TMPRSS13: variants seen among roughly 807,000 people sequenced by gnomAD.
The protein encoded by TMPRSS13 is transmembrane serine protease 13, also known as transmembrane protease serine 13.
TMPRSS13 carries 50 observed loss-of-function variants against 68.4 expected under a neutral mutation model. That is an observed-to-expected ratio of 0.73 (90% CI 0.58 to 0.93). TMPRSS13 has a LOEUF of 0.93. Ranked by LOEUF, TMPRSS13 falls within the 40% of genes least tolerant of loss-of-function variation. The pLI, the probability that TMPRSS13 is intolerant of heterozygous loss-of-function variation, is 0.00. For missense variants in TMPRSS13, 615 were observed against 729.2 expected, an observed-to-expected ratio of 0.84 and a Z score of 1.80; for synonymous variants, 267 against 285.8, an observed-to-expected ratio of 0.93 and a Z score of 0.66.
intron 7 of TMPRSS13, 51 bp from the exon 8 acceptor site, chr11:117,910,019 T>G: frequency 6.3e-7 from 1 of 1,593,150 alleles, no homozygotes; most frequent in South Asian, 1.1e-5. Flanking sequence ...CCAGGGTTCT[T>G]TCCGAGCTCC....
chr11:117,909,965 C>A lies in TMPRSS13; in HGVS notation c.950G>T (p.Cys317Phe). The stretch of plus-strand genomic sequence containing the variant: ...CCGCCCGGTCATGGCCCTCAGTCCG[C>A]AGTCTGGAGGGAAGGAGTAGACGTA... The part of the protein sequence containing the change: ...QRYISLQCSH[C>F]GLRAMTGRIV... Residue 317 changes from cysteine to phenylalanine, a missense_variant, in exon 8 of 13, where the codon TGC (cysteine) becomes TTC (phenylalanine). Transcript: ENST00000524993. The A allele has an allele frequency of 6.2e-7, 1 of 1,613,864 alleles. No homozygotes were observed. The highest frequency in any genetic ancestry group is 1.1e-5 in the South Asian group (1 of 91,070).
intron 12 of TMPRSS13, chr11:117,903,394 T>A (rs2057427614): frequency 3.9e-6 from 6 of 1,535,126 alleles, no homozygotes; most frequent in African/African-American, 2.7e-5. Flanking sequence ...TGGGAGAACA[T>A]CTGCCCAGCA....
intron 1 of TMPRSS13, among the ~76,000 whole-genome samples, chr11:117,926,813 A>T (rs2057712235): frequency 6.6e-6 from 1 of 152,138 alleles, no homozygotes; most frequent in Non-Finnish European, 1.5e-5. Context: ...AATTTATAGG[A>T]GCCCACCCCA....
rs2057414317 is a variant in TMPRSS13 at position 117,902,075 on chromosome 11, CA to C, written c.*163del. On this transcript the variant is annotated 3_prime_UTR_variant, in exon 13 of 13. Coordinates refer to ENST00000524993, the MANE Select transcript of TMPRSS13 (RefSeq NM_001077263.3). ...GAGAGTGGCAATGCACACATATGCA[CA>C]CACACACACACACACACACACACAC... The C allele has an allele frequency of 1.1e-4, 27 of 245,828 alleles. No homozygotes were observed. Among genetic ancestry groups the C allele is most frequent in the Non-Finnish European group, 1.9e-4 (26 of 133,434 alleles). 15.2% of individuals were successfully genotyped at this position (245,828 alleles called of 1,614,324 possible).
At chr11:117,912,628 T>C (rs1259615865) in intron 5 of TMPRSS13, among the ~76,000 whole-genome samples, 1 of 152,218 alleles carries the variant, frequency 6.6e-6, no homozygotes, top group Admixed American at 6.5e-5. Context: ...GCTGCTCCTC[T>C]ACTCAGAGGG....
At position 117,917,308 on chromosome 11, in the gene TMPRSS13, C is replaced by T. The variant is rs751323684; in HGVS notation, c.452-34G>A. 7.0e-6 allele frequency: 11 copies of T among 1,564,782 alleles called. 1 individual carries two copies. The Middle Eastern group carries it at 1.0e-3, about 142-fold the overall frequency. On this transcript the variant is annotated intron_variant, in intron 2 of 12. Coordinates refer to ENST00000524993, the MANE Select transcript of TMPRSS13 (RefSeq NM_001077263.3). ...AGGGCGGCAGCAGGGGAATATGAGG[C>T]TGGAGAGGAGTCCGACGAGATGGAG...
chr11:117,907,165 C>G (rs2057471231), intron 9 of TMPRSS13, among the ~76,000 whole-genome samples: 1 of 152,126 alleles, frequency 6.6e-6, no homozygotes, highest in South Asian at 2.1e-4. Flanking sequence ...CCAAATACAG[C>G]CTGGGTTTGA....
intron 10 of TMPRSS13, among the ~76,000 whole-genome samples, chr11:117,904,470 G>A (rs904887096): frequency 6.6e-6 from 1 of 152,172 alleles, no homozygotes; most frequent in African/African-American, 2.4e-5. Context: ...AAGAGAGCAG[G>A]TGGCATTAAT....
chr11:117,912,136 A>C (rs898867140), intron 5 of TMPRSS13, among the ~76,000 whole-genome samples: 2 of 152,108 alleles, frequency 1.3e-5, no homozygotes, highest in African/African-American at 4.8e-5. Context: ...TAGCATTAGC[A>C]TTGCCTGGGA....
At chr11:117,923,934 C>T (rs988643535) in intron 1 of TMPRSS13, among the ~76,000 whole-genome samples, 10 of 151,756 alleles carry the variant, frequency 6.6e-5, no homozygotes, top group Non-Finnish European at 1.5e-4. Context: ...GCATCAGGGC[C>T]CGTTTCAGTC....
rs534094066 is a variant in TMPRSS13 at position 117,901,705 on chromosome 11, G to A, written c.*534C>T. On this transcript the variant is annotated 3_prime_UTR_variant, in exon 13 of 13. Coordinates refer to ENST00000524993, the MANE Select transcript of TMPRSS13 (RefSeq NM_001077263.3). Reference sequence around the variant, plus strand: ...TGGTGACATCCACGGCACCAGCAGGGGGTCTGGGTGAGGACTTGATGCTCA... The same window carrying A: ...TGGTGACATCCACGGCACCAGCAGGAGGTCTGGGTGAGGACTTGATGCTCA... 1 of 159,622 alleles carries A rather than the reference G, an allele frequency of 6.3e-6. No individual in the cohort carries two copies. Among genetic ancestry groups the A allele is most frequent in the African/African-American group, 2.4e-5 (1 of 41,818 alleles). The allele number at this position is 159,622 out of a possible 1,614,324, so 9.9% of individuals were successfully genotyped here. A position where few individuals can be genotyped will look rare whatever the true frequency, so the allele number is the denominator to read the frequency against.
intron 1 of TMPRSS13, among the ~76,000 whole-genome samples, chr11:117,919,092 G>A (rs968256092): frequency 2.0e-4 from 31 of 152,174 alleles, no homozygotes; most frequent in African/African-American, 7.0e-4. Context: ...GAGGGCAATG[G>A]GCCAAGTGCC....
At chr11:117,924,671 C>G (rs2134928626) in intron 1 of TMPRSS13, among the ~76,000 whole-genome samples, 1 of 152,286 alleles carries the variant, frequency 6.6e-6, no homozygotes, top group East Asian at 1.9e-4. Flanking sequence ...GAACCCTTCC[C>G]AGCGAGGGCC....
chr11:117,905,850 T>A, intron 9 of TMPRSS13, 114 bp from the exon 10 acceptor site: 1 of 700,592 alleles, frequency 1.4e-6, no homozygotes, highest in Non-Finnish European at 2.4e-6. Flanking sequence ...AGAACATTAA[T>A]CCTTGACTCT....
chr11:117,914,470 T>G lies in TMPRSS13; in HGVS notation c.601A>C (p.Arg201=), dbSNP rs770895998. 10 of 1,614,008 alleles carry G rather than the reference T, an allele frequency of 6.2e-6. No individual in the cohort carries two copies. The highest frequency in any genetic ancestry group is 8.5e-6 in the Non-Finnish European group (10 of 1,180,006). ...GHTGIRYKEQ[R]ESCPKHAVRC... ...ACAGCGTGCTTGGGACAGCTCTCCC[T>G]CTGCTCCTTGTACCTGATCCCTGTG... is the stretch of plus-strand genomic sequence containing the variant. Residue 201 remains arginine, a synonymous_variant, in exon 4 of 13, where the codon AGG becomes CGG. Transcript: ENST00000524993. The surrounding 1 kb of genome is among the most constrained non-coding windows in gnomAD (Gnocchi z 4.2).
intron 6 of TMPRSS13, among the ~76,000 whole-genome samples, chr11:117,911,169 C>T (rs747445925): frequency 1.4e-4 from 21 of 152,150 alleles, no homozygotes; most frequent in Non-Finnish European, 3.1e-4. Flanking sequence ...ATTCACATCC[C>T]TTCCCTCACC....
chr11:117,910,706 C>T lies in TMPRSS13; in HGVS notation c.946+1G>A, dbSNP rs368671783. On this transcript the variant is annotated splice_donor_variant, in intron 7 of 12. Transcript: ENST00000524993. LOFTEE classifies it high-confidence loss of function. ...ACAATCCAAGAAGAAGAACATCTTA[C>T]GGGAACACTGGAGAGAGATATACCG... 5.0e-6 allele frequency: 8 copies of T among 1,607,772 alleles called. No homozygotes were observed. The highest frequency in any genetic ancestry group is 3.3e-5 in the South Asian group (3 of 89,980).
At chr11:117,921,742 G>C (rs1011647248) in intron 1 of TMPRSS13, among the ~76,000 whole-genome samples, 29 of 152,220 alleles carry the variant, frequency 1.9e-4, no homozygotes, top group African/African-American at 7.0e-4. Context: ...CAAGTGCTCT[G>C]CTGTCAGAGC....
intron 1 of TMPRSS13, among the ~76,000 whole-genome samples, chr11:117,927,431 G>C (rs1484494967): frequency 6.6e-6 from 1 of 152,206 alleles, no homozygotes. Flanking sequence ...AACATGGTCA[G>C]TTCTCTGTCC....
Sources: gnomAD v4.1 joint callset for allele counts (sites outside exome capture counted in the v4.1 genomes callset) on GRCh38, gnomAD v4.1.1 for gene constraint, Gnocchi (gnomAD v3.1) non-coding constraint, MANE v1.5 for transcripts, NCBI Gene and HGNC (gene_info 2026-07-23, HGNC 2026-07-21) for gene names.